HMCN1: variants seen among roughly 807,000 people sequenced by gnomAD.
The protein encoded by HMCN1 is hemicentin-1.
A neutral mutation model predicts 625.9 loss-of-function variants in HMCN1; 321 were observed. The observed-to-expected ratio is 0.51, with a 90% confidence interval of 0.47 to 0.56. The LOEUF (loss-of-function observed/expected upper bound fraction) is 0.56, where lower values mean the gene tolerates loss of function less well. Ranked by LOEUF, HMCN1 falls within the 20% of genes least tolerant of loss-of-function variation. The probability of loss-of-function intolerance (pLI) is 0.00; values close to 1 mark genes in which losing one functional copy is unlikely to be tolerated. For synonymous variants in HMCN1, 2,425 were observed against 2,417.6 expected, an observed-to-expected ratio of 1.00 and a Z score of -0.09; for missense variants, 6,588 against 6,887.3, an observed-to-expected ratio of 0.96 and a Z score of 1.54.
intron 10 of HMCN1, among the ~76,000 whole-genome samples, chr1:185,931,777 A>AG (rs905582914): frequency 3.3e-5 from 5 of 152,270 alleles, no homozygotes; most frequent in East Asian, 3.9e-4. Context: ...AGCACTGGAA[A>AG]GGGGGGTCTA....
chr1:185,963,746 T>C (rs748163306), intron 12 of HMCN1, 22 bp from the exon 13 acceptor site: 1 of 1,537,242 alleles, frequency 6.5e-7, no homozygotes, highest in Non-Finnish European at 9.0e-7. Flanking sequence ...AATTTTATAT[T>C]CTTTTTGTTT....
At chr1:185,987,378 G>T (rs1463938948) in intron 19 of HMCN1, 54 bp from the exon 20 acceptor site, 5 of 1,063,562 alleles carry the variant, frequency 4.7e-6, no homozygotes, top group South Asian at 3.7e-5. Context: ...TTAAATAGAT[G>T]ATTTTAAATG....
At chr1:186,138,001 A>G in intron 89 of HMCN1, 29 bp downstream of exon 89, 1 of 1,612,832 alleles carries the variant, frequency 6.2e-7, no homozygotes, top group Non-Finnish European at 8.5e-7. Context: ...TGCTAAGATA[A>G]ACAAAACTTT....
At chr1:185,953,448 G>A (rs1649383384) in intron 11 of HMCN1, among the ~76,000 whole-genome samples, 1 of 151,824 alleles carries the variant, frequency 6.6e-6, no homozygotes, top group African/African-American at 2.4e-5. Context: ...CCGGAGTTTT[G>A]GGTCCACGGA....
intron 81 of HMCN1, among the ~76,000 whole-genome samples, chr1:186,125,251 T>C (rs1381304808): frequency 6.6e-6 from 1 of 152,134 alleles, no homozygotes; most frequent in Non-Finnish European, 1.5e-5. Flanking sequence ...GAAGCATTTT[T>C]TCGTTTTGTT....
intron 4 of HMCN1, among the ~76,000 whole-genome samples, chr1:185,873,840 G>A (rs1663777848): frequency 6.6e-6 from 1 of 151,872 alleles, no homozygotes; most frequent in Admixed American, 6.6e-5. Flanking sequence ...CAAGGTAATT[G>A]GCTGTTGTTA....
intron 5 of HMCN1, among the ~76,000 whole-genome samples, chr1:185,910,511 C>T (rs1471292082): frequency 6.6e-6 from 1 of 151,720 alleles, no homozygotes; most frequent in African/African-American, 2.4e-5. Context: ...ACTGGGCATA[C>T]AATGATTGTA....
intron 1 of HMCN1, among the ~76,000 whole-genome samples, chr1:185,800,298 T>A (rs1188326450): frequency 6.6e-6 from 1 of 152,304 alleles, no homozygotes; most frequent in East Asian, 1.9e-4. Flanking sequence ...GATTCCAGTG[T>A]TCTCCCTTAG....
At position 186,061,981 on chromosome 1, in the gene HMCN1, C is replaced by A; in HGVS notation, c.7426+17C>A. ...CAGTATTAGGTACTTATATAGTTTG[C>A]AATATCTAGAAGAAACTTAAATTGC... On this transcript the variant is annotated intron_variant, in intron 47 of 106. Transcript: ENST00000271588. The A allele has an allele frequency of 1.3e-6, 2 of 1,486,974 alleles. No individual in the cohort carries two copies. The highest frequency in any genetic ancestry group is 1.9e-6 in the Non-Finnish European group (2 of 1,066,518). The allele number at this position is 1,486,974 out of a possible 1,614,324, so 92.1% of individuals were successfully genotyped here.
Position 186,061,903 on chromosome 1 carries a change from T to C in HMCN1, c.7365T>C (p.Tyr2455=), listed in dbSNP as rs370095570. The stretch of plus-strand genomic sequence containing the variant: ...CCACAATGGAAGATGCTGGCCAATA[T>C]ACTTGCGTTGTAAGGAATGCAGCTG... ...MQTTMEDAGQ[Y]TCVVRNAAGE... is the part of the protein sequence containing the mutation. The change falls in exon 47 of 107, where the codon TAT becomes TAC. Residue 2455 remains tyrosine, a synonymous_variant. Transcript: ENST00000271588. 1 of 1,613,120 alleles carries C rather than the reference T, an allele frequency of 6.2e-7. No individual in the cohort carries two copies. Among genetic ancestry groups the C allele is most frequent in the African/African-American group, 1.3e-5 (1 of 74,890 alleles).
intron 103 of HMCN1, chr1:186,176,793 AGG>A (rs2102650205): frequency 6.6e-6 from 1 of 151,354 alleles, no homozygotes; most frequent in African/African-American, 2.5e-5. Flanking sequence ...ATAAAAGGAA[AGG>A]AAACATAAAA....
Position 186,125,637 on chromosome 1 carries a change from A to T in HMCN1, c.12533A>T (p.Tyr4178Phe). 6.2e-7 allele frequency: 1 copy of T among 1,613,396 alleles called. No homozygotes were observed. Among genetic ancestry groups the T allele is most frequent in the East Asian group, 2.2e-5 (1 of 44,840 alleles). The change falls in exon 82 of 107, where the codon TAC (tyrosine) becomes TTC (phenylalanine). Residue 4178 changes from tyrosine (Y) to phenylalanine (F), a missense_variant. Physicochemically the swap from Tyr to Phe is conservative, Grantham distance 22 (BLOSUM62 3). This residue lies in a region of HMCN1 where 1,954 missense variants were observed against 2,013.1 expected (regional missense o/e 0.97). Transcript: ENST00000271588. ...AGGATCAGAAGTACAGAAGGACACT[A>T]CACGGTCAATGAGAATTCACAAGCC... ...PPRIRSTEGHYTVNENSQAIL... is the reference protein window; with the variant it reads ...PPRIRSTEGHFTVNENSQAIL...
At chr1:186,164,263 A>C (rs1651726002) in intron 97 of HMCN1, among the ~76,000 whole-genome samples, 1 of 112,434 alleles carries the variant, frequency 8.9e-6, no homozygotes, top group African/African-American at 5.6e-5. Flanking sequence ...TTTTTGAGAC[A>C]GAGTCTCGCT....
At chr1:186,125,437 T>TGA (rs1661596809) in intron 81 of HMCN1, among the ~76,000 whole-genome samples, 167 bp from the exon 82 acceptor site, 1 of 152,196 alleles carries the variant, frequency 6.6e-6, no homozygotes, top group African/African-American at 2.4e-5. Context: ...CCAAAAATAC[T>TGA]GATTTCTTTC....
chr1:185,857,256 C>A (rs1662523788), intron 2 of HMCN1, among the ~76,000 whole-genome samples: 1 of 152,046 alleles, frequency 6.6e-6, no homozygotes, highest in African/African-American at 2.4e-5. Context: ...AGGTCTTTGG[C>A]AATTTAGTAA....
intron 1 of HMCN1, among the ~76,000 whole-genome samples, chr1:185,744,151 G>A (rs534410553): frequency 1.3e-5 from 2 of 150,896 alleles, no homozygotes; most frequent in African/African-American, 4.9e-5. Context: ...ACCACACCCA[G>A]CTAATTTTTT....
At chr1:186,112,716 C>T (rs2102468464) in intron 71 of HMCN1, 96 bp from the exon 72 acceptor site, 2 of 1,440,592 alleles carry the variant, frequency 1.4e-6, no homozygotes, top group Non-Finnish European at 1.9e-6. Context: ...GACAGCAGGT[C>T]CACAGTTCAC....
chr1:185,818,099 A>G (rs1258968315), intron 1 of HMCN1, among the ~76,000 whole-genome samples: 1 of 151,966 alleles, frequency 6.6e-6, no homozygotes, highest in Non-Finnish European at 1.5e-5. Flanking sequence ...CACCTTTATG[A>G]GGCAGGACAC....
At chr1:186,159,317 G>C (rs1651265018) in intron 97 of HMCN1, among the ~76,000 whole-genome samples, 1 of 152,134 alleles carries the variant, frequency 6.6e-6, no homozygotes, top group African/African-American at 2.4e-5. Context: ...AGAAGATTTT[G>C]GGCTGAGACA....
Sources: allele counts gnomAD v4.1 joint callset (sites outside exome capture counted in the v4.1 genomes callset), GRCh38; gene constraint gnomAD v4.1.1; regional missense constraint gnomAD v4.1.1; transcripts MANE v1.5; gene names NCBI Gene and HGNC (gene_info 2026-07-23, HGNC 2026-07-21).